NBAS: variants seen among roughly 807,000 people sequenced by gnomAD.
NBAS encodes the protein NAG/BC035112 fusion.
In NBAS, 219 loss-of-function variants were observed where a neutral mutation model predicts 302.5. The observed-to-expected ratio is 0.72, with a 90% confidence interval of 0.65 to 0.81. The LOEUF is 0.81. NBAS is among the 30% of genes least tolerant of loss of function. The pLI is 0.00. For synonymous variants in NBAS, 1,118 were observed against 1,021.6 expected (o/e 1.09, Z -1.80); for missense variants, 2,932 against 2,841.6 (o/e 1.03, Z -0.72).
chr2:14,877,044 G>T, the NBAS span, among the ~76,000 whole-genome samples: 1 of 152,170 alleles, frequency 6.6e-6, no homozygotes, highest in Non-Finnish European at 1.5e-5. Flanking sequence ...TCCTCACCAC[G>T]TTCTTAACTC....
At chr2:14,803,138 T>C in the NBAS span, among the ~76,000 whole-genome samples, 1 of 152,214 alleles carries the variant, frequency 6.6e-6, no homozygotes. Flanking sequence ...AGTCTAGGAG[T>C]AAATTACTCT....
chr2:15,320,342 C>A (rs1324821137), intron 38 of NBAS, among the ~76,000 whole-genome samples: 1 of 152,126 alleles, frequency 6.6e-6, no homozygotes, highest in Admixed American at 6.5e-5. Flanking sequence ...CAGCAGAAGA[C>A]AAGGATGCCC....
chr2:15,200,617 T>A (rs1572437120), intron 48 of NBAS, among the ~76,000 whole-genome samples: 1 of 152,194 alleles, frequency 6.6e-6, no homozygotes, highest in South Asian at 2.1e-4. Context: ...CCTAGGATTA[T>A]AAAGAACAAA....
chr2:15,473,517 C>T (rs569585429), intron 15 of NBAS, among the ~76,000 whole-genome samples, 170 bp from the exon 16 acceptor site: 1 of 152,286 alleles, frequency 6.6e-6, no homozygotes, highest in African/African-American at 2.4e-5. Context: ...AGAAAGATCT[C>T]GTGTTTCTTT....
chr2:15,285,940 G>A lies in NBAS; in HGVS notation c.5138+1133C>T, dbSNP rs569432318. Among the ~76,000 whole-genome samples the A allele has an allele frequency of 5.8e-4, 89 of 152,282 alleles. No homozygotes were observed. The Middle Eastern group carries it at 0.02, about 35-fold the overall frequency. On this transcript the variant is annotated intron_variant, in intron 42 of 51. Coordinates refer to ENST00000281513, the MANE Select transcript of NBAS (RefSeq NM_015909.4). ...CTCCCAAAGTGTTGGGATTACAGGC[G>A]TGAGCCATGGCGCCTGGCCTCTCTT...
At chr2:15,246,279 T>C (rs1243609115) in intron 44 of NBAS, among the ~76,000 whole-genome samples, 2 of 152,230 alleles carry the variant, frequency 1.3e-5, no homozygotes, top group African/African-American at 4.8e-5. Context: ...CTGAGGAGCC[T>C]TCCTGACCTA....
chr2:15,214,962 T>A (rs1448030840), intron 48 of NBAS, among the ~76,000 whole-genome samples: 3 of 152,200 alleles, frequency 2.0e-5, no homozygotes, highest in Admixed American at 2.0e-4. Context: ...CCACATGTTC[T>A]TTTTTACATA....
rs752965909 is a variant in NBAS, at chr2:15,178,923, G to A, written c.6840+65C>T. 82 of 1,599,540 alleles carry A rather than the reference G, an allele frequency of 5.1e-5. No homozygotes were observed. The Admixed American group carries it at 5.2e-4, about 10-fold the overall frequency. On this transcript the variant is annotated intron_variant, in intron 51 of 51. Coordinates refer to ENST00000281513, the MANE Select transcript of NBAS (RefSeq NM_015909.4). The stretch of plus-strand genomic sequence containing the variant: ...CGGTGTTATTTATGAGAATGAAAGT[G>A]CTAATTCATTCCTTTGAAACATTAA...
In NBAS at chr2:15,445,097, T is replaced by C. The variant is rs372630456; in HGVS notation, c.2339+16104A>G. 6.6e-3 allele frequency among the ~76,000 whole-genome samples: 987 copies of C among 150,426 alleles called. 8 individuals carry two copies. Among genetic ancestry groups the C allele is most frequent in the East Asian group, 0.033 (162 of 4,930 alleles). ...TCAACCACTGTGGAAGTCAGTGTGG[T>C]GATTCCTCAGGGATCTAGAACTAGA... On this transcript the variant is annotated intron_variant, in intron 21 of 51. Transcript: ENST00000281513.
chr2:15,109,454 A>C, the NBAS span, among the ~76,000 whole-genome samples: 1,139 of 152,284 alleles, frequency 7.5e-3, 13 homozygotes, highest in Non-Finnish European at 9.2e-3. Flanking sequence ...AATTATATCC[A>C]AAAGTGCTAT....
the NBAS span, among the ~76,000 whole-genome samples, chr2:15,057,957 G>A: frequency 6.6e-6 from 1 of 152,190 alleles, no homozygotes; most frequent in Admixed American, 6.5e-5. Flanking sequence ...ATGTTGGCGC[G>A]GATGCAGCAA....
At chr2:15,560,222 C>A (rs1664846598) in intron 1 of NBAS, among the ~76,000 whole-genome samples, 1 of 152,012 alleles carries the variant, frequency 6.6e-6, no homozygotes, top group Non-Finnish European at 1.5e-5. Flanking sequence ...CAATAAATAT[C>A]TGTTAAATAA....
At chr2:14,944,117 G>T in the NBAS span, among the ~76,000 whole-genome samples, 1 of 152,198 alleles carries the variant, frequency 6.6e-6, no homozygotes, top group Admixed American at 6.5e-5. Context: ...GGCTAACGCA[G>T]TGAAACCCCG....
chr2:14,971,438 T>C, the NBAS span, among the ~76,000 whole-genome samples: 22 of 152,048 alleles, frequency 1.4e-4, 1 homozygote, highest in Admixed American at 1.4e-3. Context: ...TCACTTGAAC[T>C]CAGGAGACGG....
At chr2:14,888,981 T>G in the NBAS span, among the ~76,000 whole-genome samples, 64 of 152,378 alleles carry the variant, frequency 4.2e-4, no homozygotes, top group African/African-American at 1.4e-3. Flanking sequence ...GGCCTGTGCC[T>G]GGGCTGTGTC....
At chr2:14,780,784 G>GA in the NBAS span, among the ~76,000 whole-genome samples, 1 of 152,204 alleles carries the variant, frequency 6.6e-6, no homozygotes, top group Admixed American at 6.5e-5. Flanking sequence ...GCTGCACTGT[G>GA]ATAATCTGCT....
At chr2:14,903,437 G>T in the NBAS span, among the ~76,000 whole-genome samples, 1 of 152,268 alleles carries the variant, frequency 6.6e-6, no homozygotes, top group Non-Finnish European at 1.5e-5. Flanking sequence ...ACAGCCTTGT[G>T]TGTTCAGAAG....
intron 35 of NBAS, among the ~76,000 whole-genome samples, chr2:15,338,710 C>T (rs180951712): frequency 4.9e-4 from 73 of 148,840 alleles, no homozygotes; most frequent in Non-Finnish European, 6.4e-4. Context: ...CACACACACA[C>T]ATCAAATTAG....
intron 12 of NBAS, among the ~76,000 whole-genome samples, chr2:15,487,067 C>T (rs577072398): frequency 6.6e-6 from 1 of 152,200 alleles, no homozygotes; most frequent in Non-Finnish European, 1.5e-5. Flanking sequence ...ATAAATATTT[C>T]TACTAGGTGA....
Sources: gnomAD v4.1 joint callset for allele counts (sites outside exome capture counted in the v4.1 genomes callset) on GRCh38, gnomAD v4.1.1 for gene constraint, MANE v1.5 for transcripts, NCBI Gene and HGNC (gene_info 2026-07-23, HGNC 2026-07-21) for gene names.